Variants in NCAPH2 observed in about 807,000 individuals in gnomAD.
The protein encoded by NCAPH2 is non-SMC condensin II complex subunit H2, also known as condensin-2 complex subunit H2.
NCAPH2 carries 56 observed loss-of-function variants against 88.6 expected under a neutral mutation model. That is an observed-to-expected ratio of 0.63 (90% CI 0.51 to 0.79). The LOEUF is 0.79. Ranked by LOEUF, NCAPH2 falls within the 30% of genes least tolerant of loss-of-function variation. NCAPH2 has a pLI of 0.00. For missense variants in NCAPH2, 794 were observed against 792.0 expected (o/e 1.00, Z -0.03); for synonymous variants, 378 against 313.6 (o/e 1.21, Z -2.17).
Position 50,511,807 on chromosome 22 carries a change from G to A in NCAPH2, c.108+3362G>A, listed in dbSNP as rs28666946. Among the ~76,000 whole-genome samples the A allele has an allele frequency of 7.0e-3, 1,053 of 151,472 alleles. 14 individuals carry two copies. Among genetic ancestry groups the A allele is most frequent in the African/African-American group, 0.024 (972 of 41,294 alleles). On this transcript the variant is annotated intron_variant, in intron 1 of 19. Transcript: ENST00000420993. The stretch of plus-strand genomic sequence containing the variant: ...ATTACAGGCGCCCGCCACCACGCCT[G>A]GCTAATTTTTTTGTATTTTTCAGTA...
In NCAPH2 at chr22:50,524,732, C is replaced by T; in HGVS notation, c.*1357C>T. On this transcript the variant is annotated 3_prime_UTR_variant, in exon 20 of 20. Transcript: ENST00000420993. ...AAAGCATTCCAAGTGCATGCCTTGC[C>T]TGAACTAACCACGTTATCTATTTGC... The T allele has an allele frequency of 5.2e-6, 3 of 576,358 alleles. No homozygotes were observed. The highest frequency in any genetic ancestry group is 1.0e-5 in the Non-Finnish European group (3 of 295,960). The allele number at this position is 576,358 out of a possible 1,614,324, so 35.7% of individuals were successfully genotyped here.
rs374452338 is a variant in NCAPH2 at position 50,519,284 on chromosome 22, C to T, written c.825C>T (p.Ala275=). The change falls in exon 9 of 20, where the codon GCC becomes GCT. Residue 275 remains alanine (A), a synonymous_variant. Transcript: ENST00000420993. The part of the protein sequence containing the change: ...VELPEASAPK[A]ALEPKESRSP... ...TTCCTGAGGCCTCGGCCCCCAAGGC[C>T]GCTCTGGAGCCCAAGGAGTCCAGGA... 1.1e-4 allele frequency: 179 copies of T among 1,606,736 alleles called. No individual in the cohort carries two copies. The highest frequency in any genetic ancestry group is 7.1e-4 in the African/African-American group (53 of 74,982).
chr22:50,516,474 G>A lies in NCAPH2; in HGVS notation c.136G>A (p.Glu46Lys), dbSNP rs748497607. ...ELDQICISFD[E>K]GKTTMNFIEA... Reference sequence around the variant, plus strand: ...GGATCAGATCTGCATTTCTTTTGACGAAGGCAAGACCACAATGAACTTCAT... The same window carrying A: ...GGATCAGATCTGCATTTCTTTTGACAAAGGCAAGACCACAATGAACTTCAT... The change falls in exon 2 of 20, where the codon GAA becomes AAA. Residue 46 changes from glutamate (E) to lysine (K), a missense_variant. By Grantham distance (56) the Glu-to-Lys change is moderately conservative. Coordinates refer to ENST00000420993, the MANE Select transcript of NCAPH2 (RefSeq NM_152299.4). 18 of 1,614,084 alleles carry A rather than the reference G, an allele frequency of 1.1e-5. No individual in the cohort carries two copies. Among genetic ancestry groups the A allele is most frequent in the Non-Finnish European group, 1.4e-5 (16 of 1,180,038 alleles).
Position 50,518,747 on chromosome 22 carries a change from C to T in NCAPH2, c.730+15C>T, listed in dbSNP as rs764642392. 3.8e-6 allele frequency: 6 copies of T among 1,594,660 alleles called. No homozygotes were observed. Among genetic ancestry groups the T allele is most frequent in the South Asian group, 1.1e-5 (1 of 88,048 alleles). On this transcript the variant is annotated intron_variant, in intron 8 of 19. Transcript: ENST00000420993. ...CCAGGAGCCAGGTGAGAAGAGAGCTCCCCGGTGGGACTGGCAGGGCAGCCA... is the reference window on the plus strand; with the variant it reads ...CCAGGAGCCAGGTGAGAAGAGAGCTTCCCGGTGGGACTGGCAGGGCAGCCA...
At chr22:50,509,825 CT>C (rs1231300741) in intron 1 of NCAPH2, among the ~76,000 whole-genome samples, 1 of 152,154 alleles carries the variant, frequency 6.6e-6, no homozygotes, top group Non-Finnish European at 1.5e-5. Context: ...TGTTTTGTAT[CT>C]TGTTCTTTTG....
chr22:50,513,814 T>C (rs527701084), intron 1 of NCAPH2, among the ~76,000 whole-genome samples: 1 of 152,156 alleles, frequency 6.6e-6, no homozygotes, highest in Non-Finnish European at 1.5e-5. Context: ...CAGAAACTTA[T>C]AAGGGATTTG....
In NCAPH2 at chr22:50,521,722, A is replaced by G. The variant is rs761423985; in HGVS notation, c.1001-19A>G. The stretch of plus-strand genomic sequence containing the variant: ...CCTGATCCCCCAGCGGCTCTAAGAC[A>G]GTCCCTGTTTGCCCCCAGGTAGGCC... On this transcript the variant is annotated intron_variant, in intron 11 of 19. Coordinates refer to ENST00000420993, the MANE Select transcript of NCAPH2 (RefSeq NM_152299.4). 1.9e-6 allele frequency: 3 copies of G among 1,613,620 alleles called. No individual in the cohort carries two copies. Among genetic ancestry groups the G allele is most frequent in the East Asian group, 4.5e-5 (2 of 44,890 alleles).
chr22:50,523,286 G>A lies in NCAPH2; in HGVS notation c.1729G>A (p.Val577Met), dbSNP rs377567490. 25 of 1,606,372 alleles carry A rather than the reference G, an allele frequency of 1.6e-5. No homozygotes were observed. Among genetic ancestry groups the A allele is most frequent in the Non-Finnish European group, 1.7e-5 (20 of 1,176,586 alleles). ...ITQQPGLEMA[V>M]DTMSLRLLTH... is the part of the protein sequence containing the mutation. Reference sequence around the variant, plus strand: ...CCAGCAGCCCGGGCTGGAGATGGCCGTGGACACCATGTCCCTGAGACTGCT... The same window carrying A: ...CCAGCAGCCCGGGCTGGAGATGGCCATGGACACCATGTCCCTGAGACTGCT... Residue 577 changes from valine (V) to methionine (M), a missense_variant, in exon 20 of 20, where the codon GTG becomes ATG. Physicochemically the swap from Val to Met is conservative, Grantham distance 21. Transcript: ENST00000420993.
chr22:50,522,626 G>T lies in NCAPH2; in HGVS notation c.1376-45G>T. The T allele has an allele frequency of 1.2e-6, 2 of 1,613,604 alleles. 1 individual carries two copies. The highest frequency in any genetic ancestry group is 2.2e-5 in the South Asian group (2 of 91,084). ...GGCCACTGGAGCTGGGGGCAGGGGAGAGCGTGGCCCCTTAGCTGCCCAGCT... is the reference window on the plus strand; with the variant it reads ...GGCCACTGGAGCTGGGGGCAGGGGATAGCGTGGCCCCTTAGCTGCCCAGCT... On this transcript the variant is annotated intron_variant, in intron 16 of 19. Transcript: ENST00000420993.
At position 50,524,432 on chromosome 22, in the gene NCAPH2, C is replaced by T. The variant is rs998142149; in HGVS notation, c.*1057C>T. 3 of 1,609,508 alleles carry T rather than the reference C, an allele frequency of 1.9e-6. No homozygotes were observed. The highest frequency in any genetic ancestry group is 2.5e-6 in the Non-Finnish European group (3 of 1,179,262). ...AGCATGGATCTGATGCTCCTGGAAA[C>T]AAGCACAGGCGTCAGGAGCCAGAAG... On this transcript the variant is annotated 3_prime_UTR_variant, in exon 20 of 20. Transcript: ENST00000420993.
intron 1 of NCAPH2, among the ~76,000 whole-genome samples, chr22:50,515,199 G>A (rs934187476): frequency 1.7e-4 from 26 of 149,976 alleles, no homozygotes; most frequent in African/African-American, 6.0e-4. Flanking sequence ...GGGGACAGCT[G>A]GGGGTCGGTG....
chr22:50,517,327 G>A, intron 2 of NCAPH2, 100 bp from the exon 3 acceptor site: 1 of 1,218,404 alleles, frequency 8.2e-7, no homozygotes, highest in East Asian at 2.3e-5. Context: ...AGGTTTGGTG[G>A]TGGTGGCCAG....
chr22:50,518,546 C>T, intron 7 of NCAPH2, 103 bp from the exon 8 acceptor site: 1 of 1,242,404 alleles, frequency 8.0e-7, no homozygotes, highest in Non-Finnish European at 1.1e-6. Flanking sequence ...GTCTGCTGGT[C>T]TCTGCCCTCC....
At chr22:50,509,954 G>A (rs779223838) in intron 1 of NCAPH2, among the ~76,000 whole-genome samples, 2 of 151,926 alleles carry the variant, frequency 1.3e-5, no homozygotes, top group Admixed American at 6.6e-5. Flanking sequence ...ATTTTGAGAC[G>A]GAGTCTCACT....
Position 50,522,037 on chromosome 22 carries a change from C to T in NCAPH2, c.1160C>T (p.Ala387Val). Residue 387 changes from alanine to valine, a missense_variant and splice_region_variant, in exon 13 of 20, where the codon GCA becomes GTA. Around this residue, in one of 2 missense-constraint regions of NCAPH2, gnomAD observed 735 missense variants for 696.3 expected, o/e 1.06. Transcript: ENST00000420993. ...RRLRRKGPSF[A>V]DMEVLYWTHV... Reference sequence around the variant, plus strand: ...CTTCGGCGAAAGGGTCCGTCCTTTGCAGGTGAGGCTGAAGTCCTCGGGGAA... The same window carrying T: ...CTTCGGCGAAAGGGTCCGTCCTTTGTAGGTGAGGCTGAAGTCCTCGGGGAA... The T allele has an allele frequency of 6.2e-7, 1 of 1,614,044 alleles. No homozygotes were observed. Among genetic ancestry groups the T allele is most frequent in the Non-Finnish European group, 8.5e-7 (1 of 1,179,964 alleles).
chr22:50,520,315 G>A (rs2069050618), intron 9 of NCAPH2: 1 of 152,260 alleles, frequency 6.6e-6, no homozygotes, highest in Non-Finnish European at 1.5e-5. Flanking sequence ...GCAGTGGCCT[G>A]ATCTTGGCTC....
chr22:50,517,941 G>A (rs147583129), intron 5 of NCAPH2, 32 bp from the exon 6 acceptor site: 2 of 1,609,402 alleles, frequency 1.2e-6, no homozygotes, highest in South Asian at 1.1e-5. Context: ...GTGGAAGGGT[G>A]CCTGGCTCAC....
chr22:50,509,285 C>T (rs762754343), intron 1 of NCAPH2, among the ~76,000 whole-genome samples: 1 of 152,200 alleles, frequency 6.6e-6, no homozygotes, highest in East Asian at 1.9e-4. Flanking sequence ...CATCCTAGAT[C>T]TTTCCTCCAA....
intron 8 of NCAPH2, 84 bp downstream of exon 8, chr22:50,518,816 G>T: frequency 1.5e-6 from 2 of 1,333,236 alleles, no homozygotes; most frequent in Non-Finnish European, 2.1e-6. Flanking sequence ...AGGGCTCCAA[G>T]GGGCTGCTCT....
Sources: allele counts gnomAD v4.1 joint callset (sites outside exome capture counted in the v4.1 genomes callset), GRCh38; gene constraint gnomAD v4.1.1; regional missense constraint gnomAD v4.1.1; transcripts MANE v1.5; gene names NCBI Gene and HGNC (gene_info 2026-07-23, HGNC 2026-07-21).